PTK2: variants seen among roughly 807,000 people sequenced by gnomAD.
PTK2 encodes protein tyrosine kinase 2, also known as focal adhesion kinase 1.
PTK2 carries 45 observed loss-of-function variants against 150.1 expected under a neutral mutation model. The ratio of observed to expected loss-of-function variants is 0.30; its 90% CI spans 0.24 to 0.38. The LOEUF (loss-of-function observed/expected upper bound fraction) is 0.38, where lower values mean the gene tolerates loss of function less well. Among genes scored for constraint, PTK2 ranks in the 10% least tolerant of loss-of-function variants. The pLI, the probability that PTK2 is intolerant of heterozygous loss-of-function variation, is 1.00. For missense variants in PTK2, 919 were observed against 1,307.3 expected (o/e 0.70, Z 4.58); for synonymous variants, 432 against 449.2 (o/e 0.96, Z 0.48).
chr8:140,674,756 G>T (rs1252763608), intron 28 of PTK2, among the ~76,000 whole-genome samples: 1 of 151,078 alleles, frequency 6.6e-6, no homozygotes, highest in African/African-American at 2.4e-5. Context: ...ATAAAAAAAA[G>T]AGAAAGAAGG....
chr8:140,666,224 G>C (rs1013563513), intron 30 of PTK2, among the ~76,000 whole-genome samples: 2 of 152,134 alleles, frequency 1.3e-5, no homozygotes, highest in African/African-American at 2.4e-5. Context: ...TGTAGTCCCA[G>C]CTACTCGGGA....
At chr8:140,999,806 C>T (rs1317315469) in intron 1 of PTK2, among the ~76,000 whole-genome samples, 3 of 151,978 alleles carry the variant, frequency 2.0e-5, no homozygotes, top group Non-Finnish European at 4.4e-5. Flanking sequence ...TTTTTCCAGC[C>T]ATGAAAACGT....
intron 2 of PTK2, among the ~76,000 whole-genome samples, chr8:140,923,923 A>T (rs1042148640): frequency 6.6e-6 from 1 of 151,972 alleles, no homozygotes; most frequent in Non-Finnish European, 1.5e-5. Flanking sequence ...ACCGCCCTAC[A>T]CTCTATTCAC....
chr8:140,746,611 C>T (rs1476501540), intron 18 of PTK2, 149 bp downstream of exon 21: 4 of 558,124 alleles, frequency 7.2e-6, no homozygotes, highest in Non-Finnish European at 1.2e-5. Flanking sequence ...ATATTTATAC[C>T]CATATTCTCT....
intron 5 of PTK2, among the ~76,000 whole-genome samples, chr8:140,862,177 T>C (rs1280281429): frequency 6.6e-6 from 1 of 152,146 alleles, no homozygotes; most frequent in East Asian, 1.9e-4. Flanking sequence ...CACTTAAGCC[T>C]GTATTATGCA....
At chr8:140,951,516 T>G (rs2100179545) in intron 1 of PTK2, among the ~76,000 whole-genome samples, 1 of 152,220 alleles carries the variant, frequency 6.6e-6, no homozygotes, top group African/African-American at 2.4e-5. Flanking sequence ...GAGGTTATTT[T>G]CCTGGGTTTA....
At chr8:140,889,666 G>A (rs546562252) in intron 3 of PTK2, among the ~76,000 whole-genome samples, 11 of 151,610 alleles carry the variant, frequency 7.3e-5, no homozygotes, top group East Asian at 3.9e-4. Context: ...GAAAAAAGAC[G>A]TATCTAAACT....
At chr8:140,682,968 C>T (rs1052615809) in intron 27 of PTK2, among the ~76,000 whole-genome samples, 1 of 151,924 alleles carries the variant, frequency 6.6e-6, no homozygotes, top group Admixed American at 6.6e-5. Flanking sequence ...CAAATCAACC[C>T]CAAAGCTAAC....
At chr8:140,739,833 A>C (rs1394212326) in intron 20 of PTK2, among the ~76,000 whole-genome samples, 1 of 152,168 alleles carries the variant, frequency 6.6e-6, no homozygotes, top group Admixed American at 6.5e-5. Flanking sequence ...GACAGGAGGG[A>C]GAGACTGCGG....
chr8:140,729,516 A>G (rs1341043644), intron 22 of PTK2, among the ~76,000 whole-genome samples: 1 of 152,238 alleles, frequency 6.6e-6, no homozygotes, highest in Non-Finnish European at 1.5e-5. Flanking sequence ...ATACTTTGAA[A>G]GTACAAAAGG....
chr8:140,670,479 A>AC (rs1160175570), intron 29 of PTK2, among the ~76,000 whole-genome samples: 23 of 59,712 alleles, frequency 3.9e-4, no homozygotes, highest in African/African-American at 9.5e-4. Context: ...AAAAAAAAAA[A>AC]AAAACAACAA....
At chr8:140,765,770 C>A (rs540154569) in intron 14 of PTK2, among the ~76,000 whole-genome samples, 1 of 152,246 alleles carries the variant, frequency 6.6e-6, no homozygotes, top group African/African-American at 2.4e-5. Context: ...CTTATCAAAA[C>A]ACCCTGTGAA....
chr8:140,777,233 C>T (rs78262109), intron 14 of PTK2, among the ~76,000 whole-genome samples: 3,177 of 152,300 alleles, frequency 0.021, 118 homozygotes, highest in African/African-American at 0.072. Context: ...CTGCCAGCTT[C>T]ATGGAAAGCA....
At position 140,694,722 on chromosome 8, in the gene PTK2, T is replaced by C. The variant is rs569144339; in HGVS notation, c.2499+6169A>G. ...ACAAGCTTGTAAATAGCAGATACCATGGAAACCAACAGTAATTTTTACACA... is the reference window on the plus strand; with the variant it reads ...ACAAGCTTGTAAATAGCAGATACCACGGAAACCAACAGTAATTTTTACACA... On this transcript the variant is annotated intron_variant, in intron 26 of 31. Coordinates refer to ENST00000522684, the Ensembl canonical transcript of PTK2. 1.6e-4 allele frequency among the ~76,000 whole-genome samples: 25 copies of C among 152,228 alleles called. No homozygotes were observed. In the South Asian group the frequency reaches 5.2e-3, roughly 32 times the overall value.
chr8:140,860,143 T>C (rs907275884), intron 5 of PTK2, among the ~76,000 whole-genome samples: 1 of 152,198 alleles, frequency 6.6e-6, no homozygotes, highest in South Asian at 2.1e-4. Flanking sequence ...TGAACAGTTG[T>C]ACCTCCCTGT....
At position 140,703,401 on chromosome 8, in the gene PTK2, G is replaced by A. The variant is rs186865898; in HGVS notation, c.2230-694C>T. On this transcript the variant is annotated intron_variant, in intron 24 of 31. Transcript: ENST00000522684. The stretch of plus-strand genomic sequence containing the variant: ...GCTAAAATCTCAAGAAAGGACATTT[G>A]TTATGGCTGCATTAGAGAGCTAGTG... Among the ~76,000 whole-genome samples the A allele has an allele frequency of 3.9e-5, 6 of 152,342 alleles. No homozygotes were observed. In the East Asian group the frequency reaches 9.6e-4, roughly 24 times the overall value.
intron 28 of PTK2, among the ~76,000 whole-genome samples, chr8:140,674,976 CAGG>C (rs2100012758): frequency 6.6e-6 from 1 of 150,716 alleles, no homozygotes; most frequent in Admixed American, 6.6e-5. Flanking sequence ...GAGGCTGAGG[CAGG>C]AGAATTGCTT....
At chr8:140,882,964 C>A (rs1168260014) in intron 3 of PTK2, among the ~76,000 whole-genome samples, 1 of 152,100 alleles carries the variant, frequency 6.6e-6, no homozygotes, top group African/African-American at 2.4e-5. Flanking sequence ...AATTTAATGA[C>A]CAAAAAAACT....
In PTK2 at chr8:140,667,448, CTT is replaced by C. The variant is rs2092909952; in HGVS notation, c.2865+819_2865+820del. Among the ~76,000 whole-genome samples, 35 of 80,690 alleles carry C rather than the reference CTT, an allele frequency of 4.3e-4. No homozygotes were observed. The South Asian group carries it at 9.9e-3, about 23-fold the overall frequency. The allele number at this position is 80,690 out of a possible 152,430, so 52.9% of individuals were successfully genotyped here. A position where few individuals can be genotyped will look rare whatever the true frequency, so the allele number is the denominator to read the frequency against. ...TTTCCTTGGACCTAGTGTCCTCTTT[CTT>C]TCTCTCTCTCTCTCTCTTTTTTTTT... On this transcript the variant is annotated intron_variant, in intron 30 of 31. Transcript: ENST00000522684.
Sources: allele counts gnomAD v4.1 joint callset (sites outside exome capture counted in the v4.1 genomes callset), GRCh38; gene constraint gnomAD v4.1.1; transcripts MANE v1.5; gene names NCBI Gene and HGNC (gene_info 2026-07-23, HGNC 2026-07-21).